TMEM67: variants seen among roughly 807,000 people sequenced by gnomAD.
TMEM67 encodes meckelin.
TMEM67 carries 124 observed loss-of-function variants against 136.6 expected under a neutral mutation model. That is an observed-to-expected ratio of 0.91 (90% confidence interval 0.78 to 1.05). The LOEUF (loss-of-function observed/expected upper bound fraction) is 1.05, where lower values mean the gene tolerates loss of function less well. Ranked by LOEUF, TMEM67 falls within the 50% of genes least tolerant of loss-of-function variation. TMEM67 has a pLI of 0.00. For synonymous variants in TMEM67, 364 were observed against 390.5 expected (o/e 0.93, Z 0.80); for missense variants, 1,107 against 1,178.4 (o/e 0.94, Z 0.89).
intron 6 of TMEM67, among the ~76,000 whole-genome samples, chr8:93,765,997 A>G (rs573103701): frequency 1.3e-5 from 2 of 152,336 alleles, no homozygotes; most frequent in South Asian, 2.1e-4. Flanking sequence ...CCTTGAGAAG[A>G]TTTCAAAACT....
chr8:93,827,264 A>G, the TMEM67 span, among the ~76,000 whole-genome samples: 5 of 152,238 alleles, frequency 3.3e-5, no homozygotes, highest in Admixed American at 2.6e-4. Flanking sequence ...AACATGACCC[A>G]TAGTATGAAT....
chr8:93,804,310 C>CTTTTTTTTTTT (rs1182297223), intron 22 of TMEM67, among the ~76,000 whole-genome samples: 48 of 93,808 alleles, frequency 5.1e-4, no homozygotes, highest in African/African-American at 5.7e-4. Flanking sequence ...CTTTTCTTTT[C>CTTTTTTTTTTT]TTTTTTTTTT....
At chr8:93,812,355 C>T (rs1166373774) in intron 26 of TMEM67, among the ~76,000 whole-genome samples, 6 of 151,654 alleles carry the variant, frequency 4.0e-5, no homozygotes, top group Admixed American at 6.6e-5. Flanking sequence ...TAGTGGCTCA[C>T]ATCTGTAATA....
chr8:93,813,370 A>G (rs1320181544), intron 26 of TMEM67, among the ~76,000 whole-genome samples: 2 of 151,578 alleles, frequency 1.3e-5, no homozygotes, highest in African/African-American at 2.4e-5. Context: ...GTAGAGATGG[A>G]GTTTCACCAT....
Position 93,782,408 on chromosome 8 carries a change from CAG to C in TMEM67, c.1083_1084del (p.Glu361AspfsTer18), listed in dbSNP as rs758283688. 2 of 1,612,828 alleles carry C rather than the reference CAG, an allele frequency of 1.2e-6. No homozygotes were observed. Among genetic ancestry groups the C allele is most frequent in the Non-Finnish European group, 1.7e-6 (2 of 1,179,304 alleles). On this transcript the variant is annotated frameshift_variant, in exon 11 of 28. Transcript: ENST00000453321. LOFTEE classifies it high-confidence loss of function. ...ATTTTGCTGCAGCTTTGTCCAGACACAGAGACAAGGCTAAATGCTGCTTATTC... is the reference window on the plus strand; with the variant it reads ...ATTTTGCTGCAGCTTTGTCCAGACACAGACAAGGCTAAATGCTGCTTATTC...
chr8:93,765,002 T>C (rs1250330588), intron 4 of TMEM67, among the ~76,000 whole-genome samples: 9 of 152,172 alleles, frequency 5.9e-5, no homozygotes, highest in Non-Finnish European at 1.5e-5. Context: ...AGAGATACAT[T>C]TCTCTTCGGG....
chr8:93,788,643 T>G (rs1814232362), intron 14 of TMEM67, among the ~76,000 whole-genome samples: 1 of 152,218 alleles, frequency 6.6e-6, no homozygotes, highest in Non-Finnish European at 1.5e-5. Flanking sequence ...ATATGTGTGC[T>G]CACCAATCTA....
intron 21 of TMEM67, among the ~76,000 whole-genome samples, chr8:93,800,536 A>G (rs1020537859): frequency 1.3e-5 from 2 of 152,168 alleles, no homozygotes; most frequent in South Asian, 2.1e-4. Flanking sequence ...TAATTGCTTT[A>G]TACCTAATAA....
At position 93,816,392 on chromosome 8, in the gene TMEM67, T is replaced by C. The variant is rs369812327; in HGVS notation, c.2928T>C (p.Asn976=). 123 of 1,578,664 alleles carry C rather than the reference T, an allele frequency of 7.8e-5. No individual in the cohort carries two copies. Among genetic ancestry groups the C allele is most frequent in the Non-Finnish European group, 1.1e-4 (122 of 1,152,142 alleles). The change falls in exon 28 of 28, where the codon AAT becomes AAC. Residue 976 remains asparagine, a synonymous_variant. Coordinates refer to ENST00000453321, the MANE Select transcript of TMEM67 (RefSeq NM_153704.6). The part of the protein sequence containing the change: ...LQQEIFRYIR[N]TVGQKNLASK... ...TCCAGATTTTTAGATATATCCGTAA[T>C]ACAGTAGGACAAAAGAATTTGGCAT...
rs1341491076 is a variant in TMEM67 at position 93,758,533 on chromosome 8, A to C, written c.363A>C (p.Leu121Phe). ...ACTGCATTTCTTGCCCTAGTGACTT[A>C]ACTGCCGAAGGAAAATGTCACTGTC... Reference protein sequence around the residue: ...GWNCISCPSDLTAEGKCHCPI... With the variant: ...GWNCISCPSDFTAEGKCHCPI... The change falls in exon 3 of 28, where the codon TTA (leucine) becomes TTC (phenylalanine). Residue 121 changes from leucine (L) to phenylalanine (F), a missense_variant. Around this residue, in one of 3 missense-constraint regions of TMEM67, gnomAD observed 178 missense variants for 159.2 expected, o/e 1.12. Coordinates refer to ENST00000453321, the MANE Select transcript of TMEM67 (RefSeq NM_153704.6). The C allele has an allele frequency of 3.7e-6, 6 of 1,613,950 alleles. No homozygotes were observed. Among genetic ancestry groups the C allele is most frequent in the Non-Finnish European group, 5.1e-6 (6 of 1,179,972 alleles).
chr8:93,802,103 C>T (rs1203744513), intron 21 of TMEM67, among the ~76,000 whole-genome samples: 1 of 152,024 alleles, frequency 6.6e-6, no homozygotes, highest in Non-Finnish European at 1.5e-5. Context: ...CTTGTCTTTC[C>T]CATGAAAAAG....
intron 4 of TMEM67, 45 bp downstream of exon 4, chr8:93,763,986 T>G (rs757752717): frequency 8.4e-7 from 1 of 1,196,758 alleles, no homozygotes; most frequent in East Asian, 2.4e-5. Context: ...TCATCTTATA[T>G]TAGTGTATAA....
chr8:93,788,540 C>T (rs577347893), intron 14 of TMEM67, among the ~76,000 whole-genome samples: 2 of 152,106 alleles, frequency 1.3e-5, no homozygotes, highest in South Asian at 4.1e-4. Context: ...CCAGCCTGGG[C>T]GAAAGAGCAA....
intron 11 of TMEM67, among the ~76,000 whole-genome samples, chr8:93,784,754 G>C (rs1814016529): frequency 6.6e-6 from 1 of 152,204 alleles, no homozygotes; most frequent in South Asian, 2.1e-4. Context: ...AAGTAGATTA[G>C]TATGAATGGA....
chr8:93,810,754 A>G (rs1364748430), intron 26 of TMEM67, among the ~76,000 whole-genome samples: 1 of 152,230 alleles, frequency 6.6e-6, no homozygotes, highest in Non-Finnish European at 1.5e-5. Context: ...CACATGGAAG[A>G]GATAGTAAAA....
chr8:93,776,651 C>T (rs891116748), intron 7 of TMEM67, among the ~76,000 whole-genome samples: 5 of 152,106 alleles, frequency 3.3e-5, no homozygotes, highest in African/African-American at 9.7e-5. Flanking sequence ...TGGTGGATTA[C>T]GTTTATTGAT....
chr8:93,762,225 G>A (rs1160850897), intron 3 of TMEM67, among the ~76,000 whole-genome samples: 1 of 152,072 alleles, frequency 6.6e-6, no homozygotes, highest in Non-Finnish European at 1.5e-5. Flanking sequence ...CTGTGCTCCA[G>A]CCTGGATGAC....
intron 14 of TMEM67, 111 bp downstream of exon 14, chr8:93,788,060 A>T: frequency 1.3e-6 from 1 of 784,980 alleles, no homozygotes; most frequent in Non-Finnish European, 2.2e-6. Context: ...GTTCTAAATA[A>T]ACCTTTCTCT....
the TMEM67 span, among the ~76,000 whole-genome samples, chr8:93,829,058 C>T: frequency 1.3e-5 from 2 of 151,948 alleles, no homozygotes; most frequent in Non-Finnish European, 2.9e-5. Context: ...TTAATACTTA[C>T]CTTTGCTTTT....
Sources: gnomAD v4.1 joint callset for allele counts (sites outside exome capture counted in the v4.1 genomes callset) on GRCh38, gnomAD v4.1.1 for gene constraint, gnomAD v4.1.1 regional missense constraint, MANE v1.5 for transcripts, NCBI Gene and HGNC (gene_info 2026-07-23, HGNC 2026-07-21) for gene names.